Variants in THSD7B observed in about 807,000 individuals in gnomAD.
THSD7B encodes thrombospondin type-1 domain-containing protein 7B.
In THSD7B, 138 loss-of-function variants were observed where a neutral mutation model predicts 213.6. That is an observed-to-expected ratio of 0.65 (90% CI 0.56 to 0.74). The LOEUF (loss-of-function observed/expected upper bound fraction) is 0.74. THSD7B is among the 30% of genes least tolerant of loss of function. The pLI is 0.00. For missense variants in THSD7B, 1,931 were observed against 1,991.5 expected (o/e 0.97, Z 0.58); for synonymous variants, 742 against 687.0 (o/e 1.08, Z -1.25).
intron 10 of THSD7B, among the ~76,000 whole-genome samples, chr2:137,270,024 G>A (rs1682696200): frequency 6.6e-6 from 1 of 152,126 alleles, no homozygotes; most frequent in Non-Finnish European, 1.5e-5. Context: ...TTAGGACCTG[G>A]GCTAGTGAAA....
intron 12 of THSD7B, among the ~76,000 whole-genome samples, chr2:137,300,964 C>T (rs539730582): frequency 1.3e-5 from 2 of 152,098 alleles, no homozygotes; most frequent in East Asian, 1.9e-4. Flanking sequence ...TGATGAGGGC[C>T]GGTAAAGTGT....
At chr2:136,972,218 G>A (rs1685416906) in intron 2 of THSD7B, among the ~76,000 whole-genome samples, 1 of 152,174 alleles carries the variant, frequency 6.6e-6, no homozygotes, top group South Asian at 2.1e-4. Flanking sequence ...GGGATAGGAA[G>A]TGCTGAGGGG....
chr2:137,366,856 C>T (rs1168580264), intron 12 of THSD7B, among the ~76,000 whole-genome samples: 1 of 151,908 alleles, frequency 6.6e-6, no homozygotes, highest in Non-Finnish European at 1.5e-5. Flanking sequence ...TCTGTTATTT[C>T]CTTTGCTATA....
intron 15 of THSD7B, among the ~76,000 whole-genome samples, chr2:137,454,468 ATCTATC>A (rs1262968944): frequency 6.7e-6 from 1 of 148,768 alleles, no homozygotes; most frequent in African/African-American, 2.5e-5. Context: ...CTATCTATCT[ATCTATC>A]TATGTGTGTG....
chr2:137,312,873 AGTTT>A lies in THSD7B; in HGVS notation c.2500+36851_2500+36854del, dbSNP rs564245127. Among the ~76,000 whole-genome samples the A allele has an allele frequency of 9.4e-3, 1,419 of 151,572 alleles. 22 individuals are homozygous for A. The highest frequency in any genetic ancestry group is 0.033 in the African/African-American group (1,348 of 41,234). ...TTGATTGCACTGTGGTCTGAGAGAT[AGTTT>A]GTTATAATTTCTGTTCTTTTACATT... On this transcript the variant is annotated intron_variant, in intron 12 of 27. Transcript: ENST00000409968.
At chr2:137,510,345 C>T (rs1558822054) in intron 15 of THSD7B, among the ~76,000 whole-genome samples, 1 of 152,028 alleles carries the variant, frequency 6.6e-6, no homozygotes, top group African/African-American at 2.4e-5. Context: ...ACCCTGACTT[C>T]TGATAAAATG....
intron 2 of THSD7B, among the ~76,000 whole-genome samples, chr2:136,989,537 A>G (rs1252689117): frequency 2.0e-5 from 3 of 152,210 alleles, no homozygotes; most frequent in Non-Finnish European, 2.9e-5. Flanking sequence ...TGCTGGCACC[A>G]TGCTTGTATA....
intron 7 of THSD7B, among the ~76,000 whole-genome samples, chr2:137,202,016 G>C (rs796683995): frequency 8.1e-4 from 124 of 152,180 alleles, no homozygotes; most frequent in African/African-American, 3.0e-3. Context: ...TATAGATTCT[G>C]GATCTGGGTC....
intron 10 of THSD7B, among the ~76,000 whole-genome samples, chr2:137,246,933 G>A (rs758109521): frequency 2.0e-5 from 3 of 152,018 alleles, no homozygotes; most frequent in Non-Finnish European, 2.9e-5. Flanking sequence ...ATCCCAGCCC[G>A]CCCAGTCAGA....
At chr2:137,598,888 T>A (rs1395611287) in intron 17 of THSD7B, among the ~76,000 whole-genome samples, 1 of 149,488 alleles carries the variant, frequency 6.7e-6, no homozygotes, top group African/African-American at 2.5e-5. Context: ...TTTTTTTTTT[T>A]TATTATTATT....
intron 2 of THSD7B, among the ~76,000 whole-genome samples, chr2:136,891,471 T>C (rs1683858196): frequency 1.3e-5 from 2 of 152,200 alleles, no homozygotes; most frequent in African/African-American, 4.8e-5. Context: ...GTTTTTTCTC[T>C]GGAAGTCTAT....
In THSD7B at chr2:136,947,837, G is replaced by A. The variant is rs114264151; in HGVS notation, c.139+65520G>A. On this transcript the variant is annotated intron_variant, in intron 2 of 27. Transcript: ENST00000409968. Reference sequence around the variant, plus strand: ...TTTCTCTGGTCTCTGGTTAAGATTTGGAAACTTAACACTTCACTGTGGATC... The same window carrying A: ...TTTCTCTGGTCTCTGGTTAAGATTTAGAAACTTAACACTTCACTGTGGATC... 7.2e-3 allele frequency among the ~76,000 whole-genome samples: 1,094 copies of A among 152,200 alleles called. 18 individuals carry two copies. Among genetic ancestry groups the A allele is most frequent in the African/African-American group, 0.025 (1,042 of 41,512 alleles).
intron 2 of THSD7B, among the ~76,000 whole-genome samples, chr2:136,951,715 T>A (rs1685041352): frequency 6.6e-6 from 1 of 152,230 alleles, no homozygotes; most frequent in Non-Finnish European, 1.5e-5. Flanking sequence ...TTCAAATATT[T>A]CAGATGGAGT....
chr2:136,840,059 A>G (rs938820491), intron 1 of THSD7B, among the ~76,000 whole-genome samples: 1 of 152,174 alleles, frequency 6.6e-6, no homozygotes, highest in Non-Finnish European at 1.5e-5. Flanking sequence ...GCAGATTGAT[A>G]GCATATAACT....
intron 3 of THSD7B, among the ~76,000 whole-genome samples, chr2:137,057,509 G>A (rs1468173360): frequency 2.0e-5 from 3 of 152,080 alleles, no homozygotes; most frequent in Admixed American, 2.0e-4. Flanking sequence ...ACAGTAACTA[G>A]TATAAAAATA....
At chr2:137,030,171 T>G (rs1260515783) in intron 2 of THSD7B, among the ~76,000 whole-genome samples, 3 of 152,086 alleles carry the variant, frequency 2.0e-5, no homozygotes, top group Admixed American at 1.3e-4. Context: ...CAAACATTGT[T>G]TACATCGTAT....
chr2:137,509,337 T>C (rs951905677), intron 15 of THSD7B, among the ~76,000 whole-genome samples: 3 of 151,588 alleles, frequency 2.0e-5, no homozygotes, highest in Non-Finnish European at 4.4e-5. Context: ...TCTTTCTTTC[T>C]TTTTCTCTTT....
chr2:137,159,485 A>T (rs1340270576), intron 5 of THSD7B, among the ~76,000 whole-genome samples: 1 of 143,660 alleles, frequency 7.0e-6, no homozygotes, highest in African/African-American at 3.0e-5. Flanking sequence ...TAAAAAGAAA[A>T]AAAAAGCATC....
At chr2:137,167,655 A>T (rs183353950) in intron 6 of THSD7B, among the ~76,000 whole-genome samples, 1 of 152,138 alleles carries the variant, frequency 6.6e-6, no homozygotes, top group Non-Finnish European at 1.5e-5. Flanking sequence ...CCCACTGCCC[A>T]TTCTTTTCTA....
Sources: allele counts gnomAD v4.1 joint callset (sites outside exome capture counted in the v4.1 genomes callset), GRCh38; gene constraint gnomAD v4.1.1; transcripts MANE v1.5; gene names NCBI Gene and HGNC (gene_info 2026-07-23, HGNC 2026-07-21).